Variants in PM20D2 observed in about 807,000 individuals in gnomAD.
The protein encoded by PM20D2 is xaa-Arg dipeptidase.
Under a neutral mutation model 42.9 loss-of-function variants are expected in PM20D2, and 33 were observed. The ratio of observed to expected loss-of-function variants is 0.77; its 90% CI spans 0.58 to 1.03. PM20D2 has a LOEUF of 1.03. Among genes scored for constraint, PM20D2 ranks in the 50% least tolerant of loss-of-function variants. PM20D2 has a pLI of 0.00. For missense variants in PM20D2, 548 were observed against 557.0 expected (o/e 0.98, Z 0.16); for synonymous variants, 250 against 228.2 (o/e 1.10, Z -0.86).
rs778889974 is a variant in PM20D2 at position 89,149,413 on chromosome 6, A to C, written c.614A>C (p.Asp205Ala). 3.1e-6 allele frequency: 5 copies of C among 1,613,352 alleles called. No individual in the cohort carries two copies. Among genetic ancestry groups the C allele is most frequent in the African/African-American group, 1.3e-5 (1 of 74,914 alleles). The change falls in exon 2 of 7, where the codon GAT becomes GCT. Residue 205 changes from aspartate to alanine, a missense_variant and splice_region_variant. This residue lies in a region of PM20D2 where 470 missense variants were observed against 464.4 expected (regional missense o/e 1.01). Coordinates refer to ENST00000275072, the MANE Select transcript of PM20D2 (RefSeq NM_001010853.3). ...AAYLPDMAEHDVTVKYYGKAS... is the reference protein window; with the variant it reads ...AAYLPDMAEHAVTVKYYGKAS... ...TATCTACCAGATATGGCTGAACATG[A>C]GTGAGTAATCAAGTTGAAGATAAAC...
At chr6:89,112,447 C>CTTTTTTTTTTTTTTT in the PM20D2 span, among the ~76,000 whole-genome samples, 2 of 128,880 alleles carry the variant, frequency 1.6e-5, no homozygotes, top group Non-Finnish European at 1.7e-5. Flanking sequence ...TCTTTTCTTT[C>CTTTTTTTTTTTTTTT]TTTTTTTTTT....
chr6:89,103,622 C>G, the PM20D2 span, among the ~76,000 whole-genome samples: 1 of 152,084 alleles, frequency 6.6e-6, no homozygotes, highest in South Asian at 2.1e-4. Context: ...TAAGCCACTG[C>G]GCCTGGCCTG....
the PM20D2 span, among the ~76,000 whole-genome samples, chr6:89,110,394 G>A: frequency 2.0e-5 from 3 of 152,144 alleles, no homozygotes; most frequent in Non-Finnish European, 1.5e-5. Flanking sequence ...TTTCCCACTG[G>A]TTACTCGGTT....
At chr6:89,128,528 C>T in the PM20D2 span, among the ~76,000 whole-genome samples, 1 of 148,754 alleles carries the variant, frequency 6.7e-6, no homozygotes, top group Non-Finnish European at 1.5e-5. Flanking sequence ...TTTGTTGGAC[C>T]CTTATCAGTA....
At chr6:89,113,574 G>A in the PM20D2 span, among the ~76,000 whole-genome samples, 2 of 152,170 alleles carry the variant, frequency 1.3e-5, 1 homozygote, top group Non-Finnish European at 2.9e-5. Context: ...CTCCCAAAGT[G>A]CTGGGATTAT....
In PM20D2 at chr6:89,161,857, T is replaced by C; in HGVS notation, c.1123T>C (p.Leu375=). The C allele has an allele frequency of 6.2e-7, 1 of 1,613,436 alleles. No homozygotes were observed. The highest frequency in any genetic ancestry group is 1.7e-5 in the Admixed American group (1 of 60,028). The change falls in exon 6 of 7, where the codon TTG becomes CTG. Residue 375 remains leucine, a synonymous_variant. Transcript: ENST00000275072. The part of the protein sequence containing the change: ...HPYFHIGSNA[L]NHTEQYTEAA... ...ATATTTTCACATTGGATCTAATGCC[T>C]TGAATCATACTGAACAGTACACTGA...
chr6:89,146,999 T>C (rs2127773396), intron 1 of PM20D2, among the ~76,000 whole-genome samples: 1 of 152,364 alleles, frequency 6.6e-6, no homozygotes. Context: ...AAATAACTTC[T>C]TGTAGGTAAT....
the PM20D2 span, among the ~76,000 whole-genome samples, chr6:89,130,819 C>CTTCTTTTTTTT: frequency 4.2e-5 from 1 of 24,038 alleles, no homozygotes; most frequent in African/African-American, 1.4e-4. Flanking sequence ...GCTTCTTCTT[C>CTTCTTTTTTTT]TTTTTTTTTT....
At chr6:89,107,139 T>C in the PM20D2 span, 2 of 1,609,106 alleles carry the variant, frequency 1.2e-6, no homozygotes, top group East Asian at 2.2e-5. Flanking sequence ...ATGCACACAA[T>C]AAAATAAAGG....
chr6:89,099,432 A>ATATATACACACATATATATGTGTG, the PM20D2 span, among the ~76,000 whole-genome samples: 2 of 100,264 alleles, frequency 2.0e-5, no homozygotes, highest in African/African-American at 6.8e-5. Context: ...ATATGTGTGT[A>ATATATACACACATATATATGTGTG]TATATATACA....
At chr6:89,131,195 T>C in the PM20D2 span, among the ~76,000 whole-genome samples, 1 of 152,084 alleles carries the variant, frequency 6.6e-6, no homozygotes, top group South Asian at 2.1e-4. Flanking sequence ...AATTAATCTA[T>C]TAACCCATGA....
rs34776724 is a variant in PM20D2 at position 89,155,258 on chromosome 6, C to CTTT, written c.912+381_912+383dup. Among the ~76,000 whole-genome samples, 95 of 58,930 alleles carry CTTT rather than the reference C, an allele frequency of 1.6e-3. 2 individuals carry two copies. The highest frequency in any genetic ancestry group is 3.7e-3 in the African/African-American group (56 of 15,178). 38.7% of individuals were successfully genotyped at this position (58,930 alleles called of 152,430 possible). On this transcript the variant is annotated intron_variant, in intron 4 of 6. Transcript: ENST00000275072. Reference sequence around the variant, plus strand: ...AAGTTTATGGCAAAATCAGCAAAAGCTTTTTTTTTTTTTTTTTTTTTTTTT... The same window carrying CTTT: ...AAGTTTATGGCAAAATCAGCAAAAGCTTTTTTTTTTTTTTTTTTTTTTTTTTTT...
intron 6 of PM20D2, 88 bp downstream of exon 6, chr6:89,161,978 A>T: frequency 6.8e-7 from 1 of 1,481,290 alleles, no homozygotes; most frequent in East Asian, 2.3e-5. Context: ...ATTTCACTAC[A>T]TAACATCACC....
the PM20D2 span, among the ~76,000 whole-genome samples, chr6:89,123,707 G>C: frequency 8.8e-6 from 1 of 113,360 alleles, no homozygotes; most frequent in Non-Finnish European, 1.8e-5. Context: ...AGGCAACAGA[G>C]TGAGACTGTC....
the PM20D2 span, chr6:89,098,413 G>C: frequency 1.2e-6 from 1 of 866,180 alleles, no homozygotes; most frequent in East Asian, 3.0e-5. Context: ...TTTAAATGGA[G>C]ACCAAATTTT....
chr6:89,137,575 C>T, the PM20D2 span, among the ~76,000 whole-genome samples: 3 of 152,178 alleles, frequency 2.0e-5, no homozygotes, highest in Non-Finnish European at 4.4e-5. Flanking sequence ...TGGTAATAAG[C>T]TATTTTGGCC....
At chr6:89,155,036 T>A in intron 4 of PM20D2, 134 bp downstream of exon 4, 1 of 779,072 alleles carries the variant, frequency 1.3e-6, no homozygotes, top group Non-Finnish European at 1.9e-6. Flanking sequence ...GCTGAATAGT[T>A]AATGTGAAAG....
chr6:89,155,034 G>A, intron 4 of PM20D2, 132 bp downstream of exon 4: 2 of 788,048 alleles, frequency 2.5e-6, no homozygotes, highest in Non-Finnish European at 3.7e-6. Context: ...TGGCTGAATA[G>A]TTAATGTGAA....
At position 89,161,874 on chromosome 6, in the gene PM20D2, G is replaced by A. The variant is rs1337520901; in HGVS notation, c.1140G>A (p.Gln380=). ...CTAATGCCTTGAATCATACTGAACAGTACACTGAAGCTGCTGGTAAGTGTT... is the reference window on the plus strand; with the variant it reads ...CTAATGCCTTGAATCATACTGAACAATACACTGAAGCTGCTGGTAAGTGTT... The part of the protein sequence containing the change: ...IGSNALNHTE[Q]YTEAAGSQEA... Residue 380 remains glutamine (Q), a synonymous_variant, in exon 6 of 7, where the codon CAG becomes CAA. Transcript: ENST00000275072. The A allele has an allele frequency of 6.2e-7, 1 of 1,610,110 alleles. No individual in the cohort carries two copies. Among genetic ancestry groups the A allele is most frequent in the Non-Finnish European group, 8.5e-7 (1 of 1,176,494 alleles).
Sources: gnomAD v4.1 joint callset for allele counts (sites outside exome capture counted in the v4.1 genomes callset) on GRCh38, gnomAD v4.1.1 for gene constraint, gnomAD v4.1.1 regional missense constraint, MANE v1.5 for transcripts, NCBI Gene and HGNC (gene_info 2026-07-23, HGNC 2026-07-21) for gene names.